PWWP3B: variants seen among roughly 807,000 people sequenced by gnomAD.
PWWP3B encodes PWWP domain containing 3B, also known as PWWP domain-containing DNA repair factor 3B.
PWWP3B carries 5 observed loss-of-function variants against 15.7 expected under a neutral mutation model. That is an observed-to-expected ratio of 0.32 (90% confidence interval 0.17 to 0.67). The LOEUF (loss-of-function observed/expected upper bound fraction) is 0.67. PWWP3B is among the 30% of genes least tolerant of loss of function. PWWP3B has a pLI of 0.74. For missense variants in PWWP3B, 519 were observed against 493.1 expected, an observed-to-expected ratio of 1.05 and a Z score of -0.50; for synonymous variants, 203 against 179.8, an observed-to-expected ratio of 1.13 and a Z score of -1.03.
intron 2 of PWWP3B, among the ~76,000 whole-genome samples, chrX:106,184,041 G>A (rs1274242078): frequency 8.9e-6 from 1 of 111,839 alleles, no homozygotes; most frequent in Non-Finnish European, 1.9e-5. Flanking sequence ...TGATTGGCCT[G>A]CTCCATTTTC....
intron 2 of PWWP3B, among the ~76,000 whole-genome samples, chrX:106,193,755 C>T (rs938568739): frequency 9.0e-6 from 1 of 111,729 alleles, no homozygotes; most frequent in African/African-American, 3.3e-5. Flanking sequence ...AATCTCCCAG[C>T]ATTTGCTTAT....
At chrX:106,178,862 A>G (rs1922038316) in intron 2 of PWWP3B, among the ~76,000 whole-genome samples, 1 of 112,252 alleles carries the variant, frequency 8.9e-6, no homozygotes, top group Non-Finnish European at 1.9e-5. Context: ...TTCAGTAACC[A>G]TGCAATTATT....
At chrX:106,194,847 A>C (rs774382166) in intron 2 of PWWP3B, among the ~76,000 whole-genome samples, 100 of 111,977 alleles carry the variant, frequency 8.9e-4, no homozygotes, top group African/African-American at 2.6e-3. Context: ...CGGTGGCTGC[A>C]GAACAGCGGA....
At chrX:106,195,804 A>G (rs1421471882) in intron 2 of PWWP3B, among the ~76,000 whole-genome samples, 1 of 112,158 alleles carries the variant, frequency 8.9e-6, no homozygotes, top group Non-Finnish European at 1.9e-5. Flanking sequence ...ACATTTTGGA[A>G]TTAGCTTCTC....
At chrX:106,196,898 A>G in intron 2 of PWWP3B, among the ~76,000 whole-genome samples, 2 of 111,767 alleles carry the variant, frequency 1.8e-5, no homozygotes, top group African/African-American at 3.2e-5. Flanking sequence ...CTGGAGTGCT[A>G]CAAGATTTTT....
intron 2 of PWWP3B, among the ~76,000 whole-genome samples, chrX:106,181,874 G>C (rs1409433545): frequency 8.9e-6 from 1 of 112,116 alleles, no homozygotes; most frequent in Non-Finnish European, 1.9e-5. Context: ...ATTTGACAAG[G>C]AGGTTAAAAA....
chrX:106,200,815 G>T (rs1022752226), intron 2 of PWWP3B, among the ~76,000 whole-genome samples: 2 of 111,282 alleles, frequency 1.8e-5, no homozygotes, highest in Non-Finnish European at 3.8e-5. Flanking sequence ...TTGGAAGGCC[G>T]AGGCAGGCGG....
At chrX:106,203,126 T>C (rs1441900182) in intron 2 of PWWP3B, among the ~76,000 whole-genome samples, 1 of 111,873 alleles carries the variant, frequency 8.9e-6, no homozygotes, top group Admixed American at 9.5e-5. Flanking sequence ...AATCTGAAGC[T>C]GGTTTCAAAT....
At chrX:106,185,323 G>GC (rs1922444125) in intron 2 of PWWP3B, among the ~76,000 whole-genome samples, 1 of 111,207 alleles carries the variant, frequency 9.0e-6, no homozygotes, top group African/African-American at 3.3e-5. Context: ...AGACAAAACT[G>GC]CCCATGGTTT....
At position 106,175,054 on chromosome X, in the gene PWWP3B, A is replaced by AAAAG. The variant is rs1253708674; in HGVS notation, c.-401+3917_-401+3918insAGAA. ...AGACTCTGTCTCAAAAAAAAAAAAA[A>AAAAG]AAGAAGAAAAAAGCATAGTGCATGA... On this transcript the variant is annotated intron_variant, in intron 2 of 3. Transcript: ENST00000357175. Among the ~76,000 whole-genome samples the AAAAG allele has an allele frequency of 5.6e-3, 598 of 106,984 alleles. 2 individuals carry two copies. Among genetic ancestry groups the AAAAG allele is most frequent in the African/African-American group, 0.019 (557 of 29,176 alleles). 92.9% of individuals were successfully genotyped at this position (106,984 alleles called of 115,157 possible). A position where few individuals can be genotyped will look rare whatever the true frequency, so the allele number is the denominator to read the frequency against.
In PWWP3B at chrX:106,191,145, AT is replaced by A. The variant is rs1463934345; in HGVS notation, c.-400-12836del. 3.6e-5 allele frequency among the ~76,000 whole-genome samples: 4 copies of A among 110,210 alleles called. No homozygotes were observed. The East Asian group carries it at 8.7e-4, about 24-fold the overall frequency. ...ATAAATTACCTTGGGCAGTATGGCC[AT>A]TTTCACGATATTGATTCTTCCTACC... is the stretch of plus-strand genomic sequence containing the variant. On this transcript the variant is annotated intron_variant, in intron 2 of 3. Coordinates refer to ENST00000357175, the MANE Select transcript of PWWP3B (RefSeq NM_001171020.2).
chrX:106,186,633 C>G (rs1328023960), intron 2 of PWWP3B, among the ~76,000 whole-genome samples: 1 of 110,738 alleles, frequency 9.0e-6, no homozygotes, highest in Non-Finnish European at 1.9e-5. Flanking sequence ...AAGCCACGGG[C>G]CTTCATGGTG....
intron 2 of PWWP3B, among the ~76,000 whole-genome samples, chrX:106,172,905 T>A (rs1242216135): frequency 1.8e-5 from 2 of 111,934 alleles, no homozygotes; most frequent in Non-Finnish European, 3.8e-5. Flanking sequence ...GCTTCAGTGT[T>A]ACAATGGCTG....
chrX:106,193,774 T>C (rs1923171181), intron 2 of PWWP3B, among the ~76,000 whole-genome samples: 1 of 111,709 alleles, frequency 9.0e-6, no homozygotes, highest in Admixed American at 9.5e-5. Flanking sequence ...ATCTGTAAAG[T>C]ATTTTATTTC....
At chrX:106,171,170 A>T (rs977106798) in intron 2 of PWWP3B, 31 bp downstream of exon 2, 19 of 111,458 alleles carry the variant, frequency 1.7e-4, no homozygotes, top group African/African-American at 5.9e-4. Context: ...TTCACAAAAC[A>T]TTTCACGGTA....
At chrX:106,175,404 C>G (rs1404179872) in intron 2 of PWWP3B, among the ~76,000 whole-genome samples, 1 of 108,490 alleles carries the variant, frequency 9.2e-6, no homozygotes, top group African/African-American at 3.4e-5. Context: ...CCGCCCCCTG[C>G]TGATTTTTTG....
intron 2 of PWWP3B, among the ~76,000 whole-genome samples, chrX:106,202,669 A>G (rs748064259): frequency 4.5e-5 from 5 of 111,918 alleles, no homozygotes; most frequent in Non-Finnish European, 9.4e-5. Flanking sequence ...AGAGTGAGAA[A>G]CAGAGGATTT....
chrX:106,194,994 C>T (rs1923290026), intron 2 of PWWP3B, among the ~76,000 whole-genome samples: 3 of 111,561 alleles, frequency 2.7e-5, no homozygotes, highest in Admixed American at 1.9e-4. Context: ...GGTCAGGGAC[C>T]CACTTGAGGA....
chrX:106,183,708 G>A (rs1427718012), intron 2 of PWWP3B, among the ~76,000 whole-genome samples: 1 of 112,500 alleles, frequency 8.9e-6, no homozygotes, highest in East Asian at 2.8e-4. Context: ...CTTGAGGACA[G>A]CTGTCTAGGA....
Sources: gnomAD v4.1 joint callset for allele counts (sites outside exome capture counted in the v4.1 genomes callset) on GRCh38, gnomAD v4.1.1 for gene constraint, MANE v1.5 for transcripts, NCBI Gene and HGNC (gene_info 2026-07-23, HGNC 2026-07-21) for gene names.